ZNF804A: variants seen among roughly 807,000 people sequenced by gnomAD.
ZNF804A encodes the protein zinc finger protein 804A.
In ZNF804A, 2 loss-of-function variants were observed where a neutral mutation model predicts 16.5. The observed-to-expected ratio is 0.12, with a 90% CI of 0.05 to 0.38. The LOEUF is 0.38. Among genes scored for constraint, ZNF804A ranks in the 10% least tolerant of loss-of-function variants. The pLI is 0.99. For missense variants in ZNF804A, 1,473 were observed against 1,390.7 expected (o/e 1.06, Z -0.94); for synonymous variants, 534 against 489.6 (o/e 1.09, Z -1.20).
chr2:184,829,930 A>C (rs1695234668), intron 1 of ZNF804A, among the ~76,000 whole-genome samples: 1 of 59,072 alleles, frequency 1.7e-5, no homozygotes, highest in East Asian at 3.3e-4. Context: ...AAACAAAAAC[A>C]AAAAAAAAAA....
intron 1 of ZNF804A, among the ~76,000 whole-genome samples, chr2:184,815,191 C>T (rs1274801862): frequency 6.6e-6 from 1 of 151,802 alleles, no homozygotes; most frequent in African/African-American, 2.4e-5. Flanking sequence ...TCCACATTAT[C>T]CACAGATTAA....
At chr2:184,859,804 G>C (rs547928812) in intron 1 of ZNF804A, among the ~76,000 whole-genome samples, 12 of 152,332 alleles carry the variant, frequency 7.9e-5, no homozygotes, top group African/African-American at 2.9e-4. Context: ...TCAACAGTTG[G>C]CTTATTGCTG....
chr2:184,872,074 C>T lies in ZNF804A; in HGVS notation c.255+5562C>T, dbSNP rs184692559. 4.2e-3 allele frequency among the ~76,000 whole-genome samples: 646 copies of T among 152,068 alleles called. 4 individuals carry two copies. The highest frequency in any genetic ancestry group is 7.0e-3 in the Middle Eastern group (2 of 284). On this transcript the variant is annotated intron_variant, in intron 2 of 3. Coordinates refer to ENST00000302277, the MANE Select transcript of ZNF804A (RefSeq NM_194250.2). ...TTAAAGGAAACTAAGATGCAAACTG[C>T]GTTTAAAAGTAAATGTTTTCATTAA...
intron 1 of ZNF804A, among the ~76,000 whole-genome samples, chr2:184,607,016 T>A (rs1691157664): frequency 6.6e-6 from 1 of 152,248 alleles, no homozygotes. Context: ...TTGATGTTGA[T>A]AACTATATAG....
chr2:184,938,039 C>G lies in ZNF804A; in HGVS notation c.2643C>G (p.Phe881Leu). ...QTNQLRNKLSFHPNNLLPSET... is the reference protein window; with the variant it reads ...QTNQLRNKLSLHPNNLLPSET... ...ACCAATTAAGAAACAAACTGTCTTT[C>G]CACCCTAACAATCTCCTTCCTTCTG... is the stretch of plus-strand genomic sequence containing the variant. Residue 881 changes from phenylalanine to leucine, a missense_variant, in exon 4 of 4, where the codon TTC becomes TTG. Transcript: ENST00000302277. 6.2e-7 allele frequency: 1 copy of G among 1,614,010 alleles called. No individual in the cohort carries two copies. Among genetic ancestry groups the G allele is most frequent in the Non-Finnish European group, 8.5e-7 (1 of 1,180,006 alleles).
chr2:184,733,527 G>T (rs561502666), intron 1 of ZNF804A, among the ~76,000 whole-genome samples: 1 of 151,988 alleles, frequency 6.6e-6, no homozygotes, highest in Non-Finnish European at 1.5e-5. Context: ...AAAAATGCTG[G>T]CCTCATGGAA....
intron 1 of ZNF804A, among the ~76,000 whole-genome samples, chr2:184,766,723 A>G (rs903789598): frequency 6.6e-6 from 1 of 152,072 alleles, no homozygotes; most frequent in African/African-American, 2.4e-5. Flanking sequence ...TCAAAGAGAT[A>G]TTTATACATT....
intron 1 of ZNF804A, among the ~76,000 whole-genome samples, chr2:184,864,095 GA>G (rs1222810190): frequency 1.3e-5 from 2 of 152,136 alleles, no homozygotes; most frequent in Non-Finnish European, 2.9e-5. Flanking sequence ...AATTTATACA[GA>G]AAATAGGTTT....
chr2:184,760,325 TG>T (rs1248527197), intron 1 of ZNF804A, among the ~76,000 whole-genome samples: 1 of 152,172 alleles, frequency 6.6e-6, no homozygotes, highest in Non-Finnish European at 1.5e-5. Flanking sequence ...GACATAGTTA[TG>T]TAATATGTAA....
intron 1 of ZNF804A, among the ~76,000 whole-genome samples, chr2:184,659,953 G>A (rs1692142671): frequency 6.6e-6 from 1 of 152,088 alleles, no homozygotes; most frequent in African/African-American, 2.4e-5. Context: ...TAAAAATTAG[G>A]AGGTAAAATT....
intron 2 of ZNF804A, among the ~76,000 whole-genome samples, chr2:184,909,734 C>T (rs1410878673): frequency 2.0e-5 from 3 of 151,582 alleles, no homozygotes; most frequent in Non-Finnish European, 3.0e-5. Context: ...TACCTTTTGT[C>T]TGCAGGGTCT....
At chr2:184,776,324 T>A (rs1380083260) in intron 1 of ZNF804A, among the ~76,000 whole-genome samples, 1 of 151,510 alleles carries the variant, frequency 6.6e-6, no homozygotes, top group Non-Finnish European at 1.5e-5. Context: ...AGAACAAATG[T>A]AGAAAGACAT....
chr2:184,668,196 A>G (rs1293972885), intron 1 of ZNF804A, among the ~76,000 whole-genome samples: 1 of 151,856 alleles, frequency 6.6e-6, no homozygotes, highest in Non-Finnish European at 1.5e-5. Flanking sequence ...TTTATAGCAT[A>G]CAATGTGATG....
chr2:184,738,490 T>G (rs2105751609), intron 1 of ZNF804A, among the ~76,000 whole-genome samples: 1 of 152,322 alleles, frequency 6.6e-6, no homozygotes, highest in East Asian at 1.9e-4. Context: ...TATCTAAGGA[T>G]AATTAAATGG....
At chr2:184,828,688 G>A (rs1322529422) in intron 1 of ZNF804A, among the ~76,000 whole-genome samples, 2 of 151,688 alleles carry the variant, frequency 1.3e-5, no homozygotes, top group Non-Finnish European at 3.0e-5. Flanking sequence ...TTCATGATGT[G>A]TAAAATGAGA....
At chr2:184,683,994 A>C (rs752726455) in intron 1 of ZNF804A, among the ~76,000 whole-genome samples, 2 of 152,164 alleles carry the variant, frequency 1.3e-5, no homozygotes, top group Non-Finnish European at 1.5e-5. Flanking sequence ...ACTACCAGTA[A>C]TGTCTCTTAC....
At chr2:184,684,282 G>T (rs550464654) in intron 1 of ZNF804A, among the ~76,000 whole-genome samples, 4 of 152,278 alleles carry the variant, frequency 2.6e-5, no homozygotes, top group South Asian at 4.1e-4. Flanking sequence ...TATTTTGTTT[G>T]CTAACAGTAG....
At chr2:184,625,043 G>T (rs570242673) in intron 1 of ZNF804A, among the ~76,000 whole-genome samples, 1 of 151,966 alleles carries the variant, frequency 6.6e-6, no homozygotes, top group Non-Finnish European at 1.5e-5. Flanking sequence ...TACCTACAAG[G>T]TACTCTTGGT....
In ZNF804A at chr2:184,809,951, T is replaced by G. The variant is rs571631481; in HGVS notation, c.112-56418T>G. Among the ~76,000 whole-genome samples, 7 of 152,216 alleles carry G rather than the reference T, an allele frequency of 4.6e-5. No homozygotes were observed. The East Asian group carries it at 1.4e-3, about 29-fold the overall frequency. On this transcript the variant is annotated intron_variant, in intron 1 of 3. Transcript: ENST00000302277. ...ACTCTCAAATTAAAGGCCCAGTGAA[T>G]TCAAATAGCAAAAAGGACTAGGCAA...
Sources: allele counts gnomAD v4.1 joint callset (sites outside exome capture counted in the v4.1 genomes callset), GRCh38; gene constraint gnomAD v4.1.1; transcripts MANE v1.5; gene names NCBI Gene and HGNC (gene_info 2026-07-23, HGNC 2026-07-21).